GC: variants seen among roughly 807,000 people sequenced by gnomAD.
GC encodes the protein vitamin D-binding protein.
GC carries 43 observed loss-of-function variants against 56.7 expected under a neutral mutation model. That is an observed-to-expected ratio of 0.76 (90% CI 0.59 to 0.98). The LOEUF is 0.98. Among genes scored for constraint, GC ranks in the 50% least tolerant of loss-of-function variants. The pLI is 0.00. For missense variants in GC, 529 were observed against 545.9 expected (o/e 0.97, Z 0.31); for synonymous variants, 216 against 202.7 (o/e 1.07, Z -0.56).
chr4:71,764,322 G>T (rs1323018066), intron 4 of GC, among the ~76,000 whole-genome samples: 1 of 152,004 alleles, frequency 6.6e-6, no homozygotes, highest in Non-Finnish European at 1.5e-5. Flanking sequence ...ATGGACAAAG[G>T]ATATATGTTA....
intron 1 of GC, among the ~76,000 whole-genome samples, chr4:71,774,459 G>C (rs748482175): frequency 1.3e-5 from 2 of 151,710 alleles, no homozygotes; most frequent in Non-Finnish European, 2.9e-5. Flanking sequence ...TCCTTTTGTG[G>C]GTTGGTTACC....
chr4:71,755,445 G>A (rs1029262436), intron 8 of GC, among the ~76,000 whole-genome samples: 20 of 152,132 alleles, frequency 1.3e-4, no homozygotes, highest in Non-Finnish European at 2.4e-4. Flanking sequence ...TTAGATGGAT[G>A]AGCCACTGTG....
chr4:71,754,406 C>A lies in GC; in HGVS notation c.1262+5G>T, dbSNP rs182869842. ...TGGAGGATACAGCCAGAACAAGTTT[C>A]TTACTTTTTCTTGTACTCAGTAAAT... On this transcript the variant is annotated splice_donor_5th_base_variant and intron_variant, in intron 10 of 12. Transcript: ENST00000273951. The A allele has an allele frequency of 7.4e-7, 1 of 1,345,534 alleles. No individual in the cohort carries two copies. The highest frequency in any genetic ancestry group is 1.8e-5 in the Admixed American group (1 of 54,482). 83.3% of individuals were successfully genotyped at this position (1,345,534 alleles called of 1,614,324 possible). A position where few individuals can be genotyped will look rare whatever the true frequency, so the allele number is the denominator to read the frequency against.
intron 4 of GC, among the ~76,000 whole-genome samples, chr4:71,764,520 G>C (rs771593600): frequency 7.2e-5 from 11 of 152,044 alleles, no homozygotes; most frequent in Non-Finnish European, 1.3e-4. Flanking sequence ...ATCACCCATG[G>C]TATCTGCTTG....
At chr4:71,754,924 T>C in intron 9 of GC, 54 bp downstream of exon 9, 2 of 1,356,198 alleles carry the variant, frequency 1.5e-6, no homozygotes, top group Non-Finnish European at 1.0e-6. Flanking sequence ...CCATGAACTA[T>C]AATTTTCCAA....
intron 1 of GC, among the ~76,000 whole-genome samples, chr4:71,797,398 G>A (rs1208601269): frequency 1.3e-5 from 2 of 152,212 alleles, no homozygotes; most frequent in Non-Finnish European, 2.9e-5. Flanking sequence ...CAGCAATGGG[G>A]GACACCCCTC....
chr4:71,801,989 G>T (rs1743264912), intron 1 of GC, among the ~76,000 whole-genome samples: 1 of 151,090 alleles, frequency 6.6e-6, no homozygotes. Context: ...AAAATGCCAG[G>T]TTAATTATTC....
At chr4:71,778,894 A>ATTGTTATTG (rs35503159) in intron 1 of GC, among the ~76,000 whole-genome samples, 1 of 144,570 alleles carries the variant, frequency 6.9e-6, no homozygotes, top group Admixed American at 6.9e-5. Context: ...GCTGTCAGTT[A>ATTGTTATTG]TTATTATTAT....
At chr4:71,764,139 G>T (rs1396670939) in intron 4 of GC, among the ~76,000 whole-genome samples, 4 of 152,010 alleles carry the variant, frequency 2.6e-5, no homozygotes. Flanking sequence ...ATGCCACCAT[G>T]CTCATCTAAT....
intron 1 of GC, among the ~76,000 whole-genome samples, chr4:71,779,934 T>C (rs1379017350): frequency 6.6e-6 from 1 of 151,794 alleles, no homozygotes; most frequent in Non-Finnish European, 1.5e-5. Context: ...CAGTTTTATA[T>C]CATGTTTAAT....
intron 11 of GC, among the ~76,000 whole-genome samples, chr4:71,750,306 A>C (rs1451571789): frequency 6.6e-6 from 1 of 152,214 alleles, no homozygotes; most frequent in Non-Finnish European, 1.5e-5. Context: ...GCTACCTGGC[A>C]ATGAAATAGG....
intron 3 of GC, 112 bp downstream of exon 3, chr4:71,768,189 A>T (rs2149301685): frequency 1.3e-6 from 1 of 790,436 alleles, no homozygotes; most frequent in Non-Finnish European, 1.9e-6. Context: ...ATTTCCCCCA[A>T]ACTAGGAGTA....
upstream of GC, among the ~76,000 whole-genome samples, chr4:71,786,878 T>C (rs913201002): frequency 6.6e-6 from 1 of 151,890 alleles, no homozygotes; most frequent in African/African-American, 2.4e-5. Flanking sequence ...TCAGATTCTC[T>C]TTATACTATT....
intron 1 of GC, among the ~76,000 whole-genome samples, chr4:71,779,525 G>A (rs2149305567): frequency 6.6e-6 from 1 of 151,922 alleles, no homozygotes; most frequent in South Asian, 2.1e-4. Flanking sequence ...ATAATGTGGA[G>A]GCCAGTGTGG....
At chr4:71,796,135 GT>G (rs1248156231) in intron 1 of GC, among the ~76,000 whole-genome samples, 1 of 152,078 alleles carries the variant, frequency 6.6e-6, no homozygotes, top group Non-Finnish European at 1.5e-5. Context: ...TGACAATTAT[GT>G]TGCTTGGAGT....
At chr4:71,756,080 TA>T (rs950971411) in intron 8 of GC, among the ~76,000 whole-genome samples, 73 of 140,146 alleles carry the variant, frequency 5.2e-4, no homozygotes, top group African/African-American at 1.8e-3. Flanking sequence ...TTTTTAAATT[TA>T]ATGAAAATGA....
upstream of GC, among the ~76,000 whole-genome samples, chr4:71,804,260 G>A (rs1483560545): frequency 6.6e-6 from 1 of 152,198 alleles, no homozygotes; most frequent in Admixed American, 6.5e-5. Flanking sequence ...GTAATCAAAT[G>A]TGTGAACAGC....
intron 6 of GC, among the ~76,000 whole-genome samples, chr4:71,760,717 G>A (rs1037729244): frequency 2.6e-5 from 4 of 152,170 alleles, no homozygotes; most frequent in Admixed American, 6.5e-5. Flanking sequence ...AATCATGGGG[G>A]TGGGTCTTTC....
At chr4:71,764,837 AT>A (rs1355533751) in intron 4 of GC, among the ~76,000 whole-genome samples, 1 of 152,066 alleles carries the variant, frequency 6.6e-6, no homozygotes, top group East Asian at 1.9e-4. Context: ...TAATAAATGT[AT>A]TTTCCCCCAG....
Sources: gnomAD v4.1 joint callset for allele counts (sites outside exome capture counted in the v4.1 genomes callset) on GRCh38, gnomAD v4.1.1 for gene constraint, MANE v1.5 for transcripts, NCBI Gene and HGNC (gene_info 2026-07-23, HGNC 2026-07-21) for gene names.